The following CA13 variants were observed in gnomAD, a reference collection of about 807,000 sequenced individuals.
CA13 encodes CA-XIII.
A neutral mutation model predicts 31.5 loss-of-function variants in CA13; 21 were observed. The ratio of observed to expected loss-of-function variants is 0.67; its 90% CI spans 0.47 to 0.96. The LOEUF is 0.96. Ranked by LOEUF, CA13 falls within the 40% of genes least tolerant of loss-of-function variation. CA13 has a pLI of 0.00. For synonymous variants in CA13, 117 were observed against 111.4 expected (o/e 1.05, Z -0.32); for missense variants, 315 against 318.9 (o/e 0.99, Z 0.09).
At chr8:85,259,993 G>A (rs1807354488) in intron 3 of CA13, among the ~76,000 whole-genome samples, 1 of 151,128 alleles carries the variant, frequency 6.6e-6, no homozygotes, top group Admixed American at 6.6e-5. Flanking sequence ...CATTAAATAG[G>A]TAATATTTAA....
In CA13 at chr8:85,252,246, A is replaced by AC. The variant is rs1294897250; in HGVS notation, c.235+1309_235+1310insC. Among the ~76,000 whole-genome samples, 102 of 152,214 alleles carry AC rather than the reference A, an allele frequency of 6.7e-4. No individual in the cohort carries two copies. The Middle Eastern group carries it at 0.01, about 16-fold the overall frequency. On this transcript the variant is annotated intron_variant, in intron 2 of 6. Transcript: ENST00000321764. Reference sequence around the variant, plus strand: ...TACTCAGCCTGGGTGACAGAGCAAGATCCTGTCTCAAAAGATAAAAATAAA... The same window carrying AC: ...TACTCAGCCTGGGTGACAGAGCAAGACTCCTGTCTCAAAAGATAAAAATAAA...
chr8:85,259,620 C>G lies in CA13; in HGVS notation c.354+81C>G. ...GGGTACAGAGACAACTTTACTGATT[C>G]CAAATAGATCCTGAGCCAATTAGGT... On this transcript the variant is annotated intron_variant, in intron 3 of 6. Transcript: ENST00000321764. The G allele has an allele frequency of 5.5e-6, 6 of 1,081,614 alleles. No individual in the cohort carries two copies. In the Middle Eastern group the frequency reaches 6.1e-4, roughly 110 times the overall value. 67.0% of individuals were successfully genotyped at this position (1,081,614 alleles called of 1,614,324 possible).
chr8:85,281,406 C>G lies in CA13; in HGVS notation c.*57C>G. The G allele has an allele frequency of 6.3e-7, 1 of 1,580,330 alleles. No individual in the cohort carries two copies. Among genetic ancestry groups the G allele is most frequent in the Non-Finnish European group, 8.6e-7 (1 of 1,157,742 alleles). ...GCTGTGGAGAGACAACAAAACAAAA[C>G]AAAGCACAAAAGTCTCTGCCAACAA... On this transcript the variant is annotated 3_prime_UTR_variant, in exon 7 of 7. Transcript: ENST00000321764.
chr8:85,277,638 C>T (rs546230194), intron 6 of CA13, among the ~76,000 whole-genome samples: 13 of 152,284 alleles, frequency 8.5e-5, no homozygotes, highest in Admixed American at 2.6e-4. Flanking sequence ...TCTTGTATCA[C>T]TTCGAACCCT....
intron 6 of CA13, 50 bp downstream of exon 6, chr8:85,268,677 C>CT (rs10712447): frequency 0.016 from 15,828 of 969,856 alleles, no homozygotes; most frequent in East Asian, 0.03. Flanking sequence ...GGAAACTGGG[C>CT]TTTTTTTTTT....
chr8:85,276,752 T>A (rs1446027111), intron 6 of CA13, among the ~76,000 whole-genome samples: 1 of 152,110 alleles, frequency 6.6e-6, no homozygotes, highest in Non-Finnish European at 1.5e-5. Flanking sequence ...AACACACCAA[T>A]CAGCACCCTT....
At chr8:85,274,914 AG>A (rs1357392234) in intron 6 of CA13, among the ~76,000 whole-genome samples, 2 of 152,164 alleles carry the variant, frequency 1.3e-5, no homozygotes, top group East Asian at 3.8e-4. Flanking sequence ...AGGGACTCCG[AG>A]GGTGTTGCCT....
chr8:85,245,926 CGCCCCG>C (rs1813718346), intron 1 of CA13, 61 bp downstream of exon 1: 1 of 1,589,448 alleles, frequency 6.3e-7, no homozygotes, highest in African/African-American at 1.3e-5. Flanking sequence ...ACTAGCGCGA[CGCCCCG>C]GCGCTCGCTG....
At chr8:85,247,250 G>A (rs956491237) in intron 1 of CA13, among the ~76,000 whole-genome samples, 5 of 152,058 alleles carry the variant, frequency 3.3e-5, no homozygotes, top group East Asian at 1.9e-4. Flanking sequence ...TCCCAACTGC[G>A]CCTTTATGGT....
chr8:85,253,311 C>T (rs1217501489), intron 2 of CA13, among the ~76,000 whole-genome samples: 6 of 151,754 alleles, frequency 4.0e-5, no homozygotes, highest in African/African-American at 1.5e-4. Context: ...ATTGCCTAGG[C>T]TGGAGTGCAG....
chr8:85,266,922 C>G (rs1807465664), intron 4 of CA13, among the ~76,000 whole-genome samples: 1 of 152,160 alleles, frequency 6.6e-6, no homozygotes, highest in Admixed American at 6.5e-5. Flanking sequence ...ATAACAATAG[C>G]AGCATCAACA....
rs373012973 is a variant in CA13 at position 85,273,545 on chromosome 8, G to A, written c.669+4918G>A. Among the ~76,000 whole-genome samples, 10 of 152,120 alleles carry A rather than the reference G, an allele frequency of 6.6e-5. No homozygotes were observed. In the East Asian group the frequency reaches 1.6e-3, roughly 24 times the overall value. On this transcript the variant is annotated intron_variant, in intron 6 of 6. Coordinates refer to ENST00000321764, the MANE Select transcript of CA13 (RefSeq NM_198584.3). ...CCCTCCTCAGGCCCAGTCCCAAGGC[G>A]CAAGGCCACTTGCTCCAGCAGCGTG... is the stretch of plus-strand genomic sequence containing the variant.
At chr8:85,267,236 C>T in intron 4 of CA13, 41 of 988,246 alleles carry the variant, frequency 4.1e-5, no homozygotes, top group Non-Finnish European at 4.9e-5. Context: ...TTTGTCACAC[C>T]CCATACTCTC....
chr8:85,275,861 C>T (rs1000903433), intron 6 of CA13, among the ~76,000 whole-genome samples: 1 of 152,256 alleles, frequency 6.6e-6, no homozygotes, highest in Non-Finnish European at 1.5e-5. Context: ...ATTTTTCCTC[C>T]GTAGTGGAAA....
At chr8:85,274,390 TGAA>T (rs1220920722) in intron 6 of CA13, among the ~76,000 whole-genome samples, 2 of 152,144 alleles carry the variant, frequency 1.3e-5, no homozygotes, top group Non-Finnish European at 2.9e-5. Context: ...AACCCAATGA[TGAA>T]GATTACTGTC....
At chr8:85,246,929 T>C (rs946466225) in intron 1 of CA13, among the ~76,000 whole-genome samples, 2 of 152,220 alleles carry the variant, frequency 1.3e-5, no homozygotes, top group African/African-American at 4.8e-5. Context: ...TTAAACAGTA[T>C]AGAATGGTCA....
Position 85,281,393 on chromosome 8 carries a change from C to CAACAA in CA13, c.*56_*60dup. 1 of 1,596,720 alleles carries CAACAA rather than the reference C, an allele frequency of 6.3e-7. No individual in the cohort carries two copies. Among genetic ancestry groups the CAACAA allele is most frequent in the Non-Finnish European group, 8.6e-7 (1 of 1,168,284 alleles). ...TCCCCCAAACATGGCTGTGGAGAGA[C>CAACAA]AACAAAACAAAACAAAGCACAAAAG... On this transcript the variant is annotated 3_prime_UTR_variant, in exon 7 of 7. Transcript: ENST00000321764.
At chr8:85,270,476 G>C (rs1385615994) in intron 6 of CA13, among the ~76,000 whole-genome samples, 1 of 152,184 alleles carries the variant, frequency 6.6e-6, no homozygotes, top group Non-Finnish European at 1.5e-5. Flanking sequence ...GAAAACTCCT[G>C]TGAATTTTTT....
At chr8:85,270,041 T>A (rs945068410) in intron 6 of CA13, among the ~76,000 whole-genome samples, 7 of 152,248 alleles carry the variant, frequency 4.6e-5, no homozygotes, top group Non-Finnish European at 1.0e-4. Context: ...CAGTCTTTAA[T>A]GTTCAGAAAC....
Sources: gnomAD v4.1 joint callset for allele counts (sites outside exome capture counted in the v4.1 genomes callset) on GRCh38, gnomAD v4.1.1 for gene constraint, MANE v1.5 for transcripts, NCBI Gene and HGNC (gene_info 2026-07-23, HGNC 2026-07-21) for gene names.